Variants in KIAA1217 observed in about 807,000 individuals in gnomAD.
KIAA1217 encodes KIAA1217.
Under a neutral mutation model 163.9 loss-of-function variants are expected in KIAA1217, and 88 were observed. That is an observed-to-expected ratio of 0.54 (90% CI 0.45 to 0.64). KIAA1217 has a LOEUF of 0.64. Among genes scored for constraint, KIAA1217 ranks in the 30% least tolerant of loss-of-function variants. The pLI is 0.00. For missense variants in KIAA1217, 2,372 were observed against 2,475.0 expected (o/e 0.96, Z 0.88); for synonymous variants, 903 against 923.1 (o/e 0.98, Z 0.39).
At chr10:24,386,044 A>C (rs1415336303) in intron 3 of KIAA1217, among the ~76,000 whole-genome samples, 2 of 152,202 alleles carry the variant, frequency 1.3e-5, no homozygotes, top group African/African-American at 2.4e-5. Flanking sequence ...GGAATTTGAA[A>C]ATAAGACTCA....
At chr10:24,075,460 T>C (rs752296703) in intron 2 of KIAA1217, among the ~76,000 whole-genome samples, 3 of 152,180 alleles carry the variant, frequency 2.0e-5, no homozygotes, top group Non-Finnish European at 4.4e-5. Flanking sequence ...GTAGCAGTGA[T>C]TCATTTCAGT....
At chr10:23,908,767 C>T (rs960024660) in intron 1 of KIAA1217, among the ~76,000 whole-genome samples, 1 of 152,082 alleles carries the variant, frequency 6.6e-6, no homozygotes, top group Non-Finnish European at 1.5e-5. Flanking sequence ...GGCATGCATG[C>T]GGTGAACAGG....
intron 1 of KIAA1217, among the ~76,000 whole-genome samples, chr10:23,904,070 G>A (rs1465567497): frequency 6.6e-6 from 1 of 152,138 alleles, no homozygotes; most frequent in African/African-American, 2.4e-5. Flanking sequence ...ACCTAGAGGA[G>A]TTCTACAAAC....
intron 1 of KIAA1217, among the ~76,000 whole-genome samples, chr10:23,735,227 T>TTTTA (rs201836329): frequency 0.024 from 3,624 of 151,872 alleles, 155 homozygotes; most frequent in African/African-American, 0.081. Flanking sequence ...AGCTGTATTA[T>TTTTA]TTTATTTATT....
At chr10:24,028,533 C>A (rs10828588) in intron 2 of KIAA1217, among the ~76,000 whole-genome samples, 1 of 151,892 alleles carries the variant, frequency 6.6e-6, no homozygotes, top group Admixed American at 6.6e-5. Context: ...ATTTGTAAAA[C>A]TATGAAAGAA....
chr10:23,895,106 A>G (rs1050753038), intron 1 of KIAA1217, among the ~76,000 whole-genome samples: 10 of 152,134 alleles, frequency 6.6e-5, no homozygotes, highest in East Asian at 5.8e-4. Context: ...CTAAAACACC[A>G]AAAGCAATGG....
rs577813503 is a variant in KIAA1217, at chr10:24,145,375, T to A, written c.-170-74251T>A. ...ATTGGAGATTAGTCAGAAGCTTAAA[T>A]GATAACTAAGTATTGTACACACCTG... is the stretch of plus-strand genomic sequence containing the variant. On this transcript the variant is annotated intron_variant, in intron 2 of 18. Coordinates refer to the KIAA1217 transcript ENST00000376462. Among the ~76,000 whole-genome samples, 25 of 152,368 alleles carry A rather than the reference T, an allele frequency of 1.6e-4. No individual in the cohort carries two copies. The South Asian group carries it at 5.2e-3, about 32-fold the overall frequency.
At chr10:24,245,585 C>T (rs576228154) in intron 2 of KIAA1217, among the ~76,000 whole-genome samples, 1 of 152,290 alleles carries the variant, frequency 6.6e-6, no homozygotes, top group Admixed American at 6.5e-5. Context: ...GAATGCCCCT[C>T]AGAAGGTCAC....
intron 2 of KIAA1217, among the ~76,000 whole-genome samples, chr10:24,278,932 C>T (rs1179562183): frequency 6.6e-6 from 1 of 150,998 alleles, no homozygotes; most frequent in African/African-American, 2.4e-5. Context: ...TCTCAGCTCA[C>T]TGCAACCTCT....
intron 1 of KIAA1217, among the ~76,000 whole-genome samples, chr10:23,711,121 A>G (rs1363613534): frequency 1.3e-5 from 2 of 152,200 alleles, no homozygotes; most frequent in Admixed American, 6.5e-5. Context: ...GCCATCCCCA[A>G]TACCGTGTGC....
At chr10:23,946,417 AG>A in intron 1 of KIAA1217, among the ~76,000 whole-genome samples, 1 of 152,100 alleles carries the variant, frequency 6.6e-6, no homozygotes, top group Non-Finnish European at 1.5e-5. Flanking sequence ...TCAGGGGTTC[AG>A]ATCTGTGTAA....
intron 1 of KIAA1217, among the ~76,000 whole-genome samples, chr10:23,733,318 G>A (rs1206878605): frequency 6.6e-6 from 1 of 152,042 alleles, no homozygotes; most frequent in Admixed American, 6.6e-5. Flanking sequence ...TGGCCAAAAT[G>A]TAAGAATATG....
chr10:23,934,976 C>A lies in KIAA1217; in HGVS notation c.-320-72249C>A, dbSNP rs1589108100. Among the ~76,000 whole-genome samples the A allele has an allele frequency of 2.0e-5, 3 of 152,022 alleles. No homozygotes were observed. In the East Asian group the frequency reaches 5.8e-4, roughly 29 times the overall value. On this transcript the variant is annotated intron_variant, in intron 1 of 18. Coordinates refer to the KIAA1217 transcript ENST00000376462. Reference sequence around the variant, plus strand: ...CACTAAAAACAAATGCAAATAAATTCATCTAGCCTCCATGGATAAAATCTG... The same window carrying A: ...CACTAAAAACAAATGCAAATAAATTAATCTAGCCTCCATGGATAAAATCTG...
chr10:24,249,947 G>C (rs1040985828), intron 2 of KIAA1217, among the ~76,000 whole-genome samples: 1 of 152,140 alleles, frequency 6.6e-6, no homozygotes, highest in Admixed American at 6.6e-5. Context: ...TCACAATCAT[G>C]CCAGGAATCA....
chr10:24,157,130 T>C (rs752098174), intron 2 of KIAA1217, among the ~76,000 whole-genome samples: 20 of 152,244 alleles, frequency 1.3e-4, no homozygotes, highest in Non-Finnish European at 2.9e-4. Context: ...TTCTTAGCGA[T>C]AGCATATGAA....
At position 23,790,140 on chromosome 10, in the gene KIAA1217, C is replaced by T. The variant is rs1219511673; in HGVS notation, c.-321+94906C>T. Among the ~76,000 whole-genome samples, 5 of 77,128 alleles carry T rather than the reference C, an allele frequency of 6.5e-5. 1 individual carries two copies. The highest frequency in any genetic ancestry group is 6.8e-5 in the African/African-American group (1 of 14,658). The allele number at this position is 77,128 out of a possible 152,430, so 50.6% of individuals were successfully genotyped here. On this transcript the variant is annotated intron_variant, in intron 1 of 18. Coordinates refer to the KIAA1217 transcript ENST00000376462. ...ATACACATATACACATATGCATATA[C>T]ACATATACACATATGCATATACACA... is the stretch of plus-strand genomic sequence containing the variant.
At position 24,544,192 on chromosome 10, in the gene KIAA1217, A is replaced by C; in HGVS notation, c.4922A>C (p.Gln1641Pro). 6.2e-7 allele frequency: 1 copy of C among 1,614,172 alleles called. No homozygotes were observed. The highest frequency in any genetic ancestry group is 8.5e-7 in the Non-Finnish European group (1 of 1,180,036). ...ACCCCTGAAAACACAGTGAGGAGGCAAGAGCAGCCCAGCATCGAGAGTACA... is the reference window on the plus strand; with the variant it reads ...ACCCCTGAAAACACAGTGAGGAGGCCAGAGCAGCCCAGCATCGAGAGTACA... ...EDTPENTVRR[Q>P]EQPSIESTSP... Residue 1641 changes from glutamine to proline, a missense_variant, in exon 19 of 21, where the codon CAA (glutamine) becomes CCA (proline). Gln to Pro is a moderately conservative substitution (Grantham distance 76, BLOSUM62 -1). Around this residue, in one of 3 missense-constraint regions of KIAA1217, gnomAD observed 690 missense variants for 677.5 expected, o/e 1.02. Coordinates refer to ENST00000376454, the MANE Select transcript of KIAA1217 (RefSeq NM_019590.5).
chr10:24,519,785 C>T (rs746219374), intron 10 of KIAA1217, among the ~76,000 whole-genome samples: 7 of 152,246 alleles, frequency 4.6e-5, no homozygotes, highest in Middle Eastern at 3.4e-3. Context: ...CTCTCTCCTA[C>T]CCCACCCTCC....
Position 24,277,818 on chromosome 10 carries a change from A to G in KIAA1217, c.354+57909A>G, listed in dbSNP as rs373357347. Reference sequence around the variant, plus strand: ...ATCTCAGGTTTGTCCTAATCGCAGCATGAGAATGGCCTAATACAGTAGGTT... The same window carrying G: ...ATCTCAGGTTTGTCCTAATCGCAGCGTGAGAATGGCCTAATACAGTAGGTT... On this transcript the variant is annotated intron_variant, in intron 2 of 20. Coordinates refer to ENST00000376454, the MANE Select transcript of KIAA1217 (RefSeq NM_019590.5). 3.2e-4 allele frequency among the ~76,000 whole-genome samples: 49 copies of G among 152,304 alleles called. 1 individual carries two copies. Among genetic ancestry groups the G allele is most frequent in the Admixed American group, 1.2e-3 (18 of 15,302 alleles).
Sources: allele counts gnomAD v4.1 joint callset (sites outside exome capture counted in the v4.1 genomes callset), GRCh38; gene constraint gnomAD v4.1.1; regional missense constraint gnomAD v4.1.1; transcripts MANE v1.5; gene names NCBI Gene and HGNC (gene_info 2026-07-23, HGNC 2026-07-21).